PREX2: variants seen among roughly 807,000 people sequenced by gnomAD.
PREX2 encodes phosphatidylinositol-3,4,5-trisphosphate dependent Rac exchange factor 2.
PREX2 carries 107 observed loss-of-function variants against 203.2 expected under a neutral mutation model. That is an observed-to-expected ratio of 0.53 (90% CI 0.45 to 0.62). The LOEUF is 0.62. Among genes scored for constraint, PREX2 ranks in the 20% least tolerant of loss-of-function variants. The probability of loss-of-function intolerance (pLI) is 0.00; values close to 1 mark genes in which losing one functional copy is unlikely to be tolerated. For synonymous variants in PREX2, 672 were observed against 663.6 expected (o/e 1.01, Z -0.19); for missense variants, 1,777 against 1,955.9 (o/e 0.91, Z 1.72).
At chr8:67,957,567 A>C (rs1435078259) in intron 1 of PREX2, among the ~76,000 whole-genome samples, 2 of 152,160 alleles carry the variant, frequency 1.3e-5, no homozygotes, top group Admixed American at 1.3e-4. Context: ...ATTCCCAGAG[A>C]AAAGGGGGTT....
Position 68,121,012 on chromosome 8 carries a change from C to T in PREX2, c.3687C>T (p.Val1229=). The change falls in exon 30 of 40, where the codon GTC becomes GTT. Residue 1229 remains valine, a synonymous_variant. Transcript: ENST00000288368. ...KQDPWNLPSS[V]RTLAQNIRKF... ...ATCCTTGGAATCTTCCCAGCAGCGT[C>T]CGGACTCTTGCTCAGAACATCAGGA... 1 of 1,613,748 alleles carries T rather than the reference C, an allele frequency of 6.2e-7. No homozygotes were observed. The highest frequency in any genetic ancestry group is 8.5e-7 in the Non-Finnish European group (1 of 1,179,774).
chr8:67,999,445 C>A (rs1231155033), intron 1 of PREX2, among the ~76,000 whole-genome samples: 5 of 66,394 alleles, frequency 7.5e-5, no homozygotes, highest in Admixed American at 4.4e-4. Flanking sequence ...TAATGAGCTC[C>A]AAAATTGAAT....
intron 33 of PREX2, among the ~76,000 whole-genome samples, chr8:68,143,997 T>C (rs1262794650): frequency 2.6e-5 from 4 of 152,164 alleles, no homozygotes; most frequent in Non-Finnish European, 1.5e-5. Context: ...ATCAGTTGAC[T>C]ATATATATGT....
intron 1 of PREX2, among the ~76,000 whole-genome samples, chr8:67,976,519 C>CAGAGAGAGACGGGAG (rs1806096675): frequency 2.1e-5 from 1 of 47,494 alleles, no homozygotes; most frequent in South Asian, 1.0e-3. Flanking sequence ...CAGACAGAGA[C>CAGAGAGAGACGGGAG]AGAGACAGAG....
intron 35 of PREX2, among the ~76,000 whole-genome samples, chr8:68,183,632 T>C (rs1812132197): frequency 6.6e-6 from 1 of 151,988 alleles, no homozygotes; most frequent in East Asian, 1.9e-4. Flanking sequence ...AGCAGAATCA[T>C]AAAAAAGAGA....
chr8:68,063,630 G>C (rs1189555010), intron 11 of PREX2, among the ~76,000 whole-genome samples: 1 of 152,106 alleles, frequency 6.6e-6, no homozygotes, highest in African/African-American at 2.4e-5. Flanking sequence ...AAACCAGCTA[G>C]GTTTTCTTCC....
chr8:68,030,227 A>G (rs776057164), intron 5 of PREX2, among the ~76,000 whole-genome samples: 29 of 152,196 alleles, frequency 1.9e-4, no homozygotes, highest in Non-Finnish European at 4.3e-4. Flanking sequence ...CCTCCCAGTA[A>G]GATATTTGAC....
intron 8 of PREX2, among the ~76,000 whole-genome samples, chr8:68,051,380 A>G (rs1382111584): frequency 6.6e-6 from 1 of 152,144 alleles, no homozygotes; most frequent in Non-Finnish European, 1.5e-5. Flanking sequence ...TTTAAGCTGC[A>G]GGTGCAAGGT....
intron 21 of PREX2, among the ~76,000 whole-genome samples, chr8:68,094,407 A>G (rs1809991761): frequency 6.6e-6 from 1 of 152,228 alleles, no homozygotes; most frequent in African/African-American, 2.4e-5. Flanking sequence ...AAGGACGGTT[A>G]TCATTTCTGT....
intron 10 of PREX2, among the ~76,000 whole-genome samples, chr8:68,058,483 G>T (rs569681056): frequency 6.6e-6 from 1 of 152,000 alleles, no homozygotes; most frequent in African/African-American, 2.4e-5. Flanking sequence ...GCCCAGGCTG[G>T]AGTGCAGTGG....
chr8:68,030,963 C>CA (rs1350512923), intron 6 of PREX2, among the ~76,000 whole-genome samples: 2 of 152,048 alleles, frequency 1.3e-5, no homozygotes, highest in African/African-American at 2.4e-5. Context: ...CAACTTTGGC[C>CA]ATAAGTACAT....
At chr8:67,960,003 A>G (rs895846473) in intron 1 of PREX2, among the ~76,000 whole-genome samples, 1 of 152,068 alleles carries the variant, frequency 6.6e-6, no homozygotes, top group Non-Finnish European at 1.5e-5. Flanking sequence ...AAGTCCTGAT[A>G]GGTAGGAAGT....
At chr8:68,194,052 A>T (rs1812346987) in intron 37 of PREX2, among the ~76,000 whole-genome samples, 1 of 152,248 alleles carries the variant, frequency 6.6e-6, no homozygotes, top group East Asian at 1.9e-4. Context: ...AATTGAAAAT[A>T]TCATCTGTAT....
chr8:68,061,730 C>T (rs374573536), intron 11 of PREX2, among the ~76,000 whole-genome samples: 248 of 152,220 alleles, frequency 1.6e-3, no homozygotes, highest in African/African-American at 5.4e-3. Flanking sequence ...TGCTGTGGAC[C>T]GTGTAGGCCA....
chr8:67,979,964 C>T (rs1424844644), intron 1 of PREX2, among the ~76,000 whole-genome samples: 1 of 152,150 alleles, frequency 6.6e-6, no homozygotes, highest in Non-Finnish European at 1.5e-5. Context: ...TACAATATGC[C>T]ATCTCATAGA....
chr8:68,127,334 C>T (rs760709011), intron 30 of PREX2, 44 bp from the exon 31 acceptor site: 98 of 1,455,060 alleles, frequency 6.7e-5, no homozygotes, highest in Non-Finnish European at 8.5e-5. Flanking sequence ...GTATTTGTGA[C>T]AGAAAGAGTG....
chr8:67,998,077 T>C (rs1275399185), intron 1 of PREX2, among the ~76,000 whole-genome samples: 1 of 152,230 alleles, frequency 6.6e-6, no homozygotes, highest in Non-Finnish European at 1.5e-5. Context: ...TCAGGAAATC[T>C]TTTTTATATT....
intron 35 of PREX2, among the ~76,000 whole-genome samples, chr8:68,182,614 A>G (rs1157891289): frequency 2.6e-5 from 4 of 152,070 alleles, no homozygotes; most frequent in African/African-American, 7.2e-5. Context: ...TTATGTATAT[A>G]TATAGTTTCA....
chr8:68,179,943 C>T (rs372361602), intron 35 of PREX2, among the ~76,000 whole-genome samples: 1 of 152,116 alleles, frequency 6.6e-6, no homozygotes, highest in African/African-American at 2.4e-5. Flanking sequence ...TCATTTACCT[C>T]CTCACTGCTG....
Sources: gnomAD v4.1 joint callset for allele counts (sites outside exome capture counted in the v4.1 genomes callset) on GRCh38, gnomAD v4.1.1 for gene constraint, MANE v1.5 for transcripts, NCBI Gene and HGNC (gene_info 2026-07-23, HGNC 2026-07-21) for gene names.